Variants in SPSB4 observed in about 807,000 individuals in gnomAD.
The protein encoded by SPSB4 is SPRY domain-containing SOCS box protein 4.
Under a neutral mutation model 20.9 loss-of-function variants are expected in SPSB4, and 21 were observed. The ratio of observed to expected loss-of-function variants is 1.01; its 90% confidence interval spans 0.71 to 1.45. The LOEUF (loss-of-function observed/expected upper bound fraction) is 1.45, where lower values mean the gene tolerates loss of function less well. SPSB4 is among the 40% of genes most tolerant of loss of function. The pLI is 0.00. For synonymous variants in SPSB4, 207 were observed against 183.8 expected, an observed-to-expected ratio of 1.13 and a Z score of -1.02; for missense variants, 399 against 399.2, an observed-to-expected ratio of 1.00 and a Z score of 0.00.
At chr3:141,121,200 G>A (rs148163624) in intron 2 of SPSB4, among the ~76,000 whole-genome samples, 130 of 152,206 alleles carry the variant, frequency 8.5e-4, no homozygotes, top group African/African-American at 2.9e-3. Flanking sequence ...TGAAATTCTG[G>A]GTTGAAAATT....
intron 1 of SPSB4, among the ~76,000 whole-genome samples, chr3:141,058,149 T>C (rs1559896): frequency 0.88 from 133,866 of 152,166 alleles, 59,058 homozygotes; most frequent in South Asian, 0.96. Flanking sequence ...ACCCCGTGCC[T>C]ATTGAGCTCA....
At chr3:141,094,616 G>C (rs934173511) in intron 2 of SPSB4, among the ~76,000 whole-genome samples, 1 of 151,974 alleles carries the variant, frequency 6.6e-6, no homozygotes, top group Admixed American at 6.6e-5. Flanking sequence ...TTTACTCCTG[G>C]GCCTTTTTTT....
chr3:141,101,416 C>T (rs951523349), intron 2 of SPSB4, among the ~76,000 whole-genome samples: 3 of 152,178 alleles, frequency 2.0e-5, no homozygotes, highest in African/African-American at 7.2e-5. Flanking sequence ...CCAGGTGGCC[C>T]CTGCCCACCT....
At chr3:141,119,916 C>A (rs1008946092) in intron 2 of SPSB4, among the ~76,000 whole-genome samples, 2 of 152,044 alleles carry the variant, frequency 1.3e-5, no homozygotes, top group African/African-American at 4.8e-5. Context: ...CTATCTCCTT[C>A]AGTTCTGCTC....
At chr3:141,094,839 T>A in intron 2 of SPSB4, among the ~76,000 whole-genome samples, 1 of 138,086 alleles carries the variant, frequency 7.2e-6, no homozygotes, top group East Asian at 2.4e-4. Context: ...GTGTACACAT[T>A]CTCCAGCCCC....
At chr3:141,101,550 C>G (rs1164577996) in intron 2 of SPSB4, among the ~76,000 whole-genome samples, 1 of 152,162 alleles carries the variant, frequency 6.6e-6, no homozygotes, top group Admixed American at 6.5e-5. Context: ...TCTGTCTTCC[C>G]ATCTGTAAAA....
chr3:141,129,602 T>G lies in SPSB4; in HGVS notation c.695-17540T>G, dbSNP rs566976817. Among the ~76,000 whole-genome samples the G allele has an allele frequency of 6.6e-5, 10 of 152,322 alleles. No homozygotes were observed. The South Asian group carries it at 2.1e-3, about 32-fold the overall frequency. On this transcript the variant is annotated intron_variant, in intron 2 of 2. Transcript: ENST00000310546. ...TCCCTCATGCACACGCATGCACACA[T>G]GAGCGAATCTTCTGTCATTTCAGAG...
intron 2 of SPSB4, among the ~76,000 whole-genome samples, chr3:141,128,354 G>A (rs1451125804): frequency 5.3e-5 from 8 of 152,158 alleles, no homozygotes; most frequent in Admixed American, 5.2e-4. Flanking sequence ...AGGGGCTGTG[G>A]GGGGCCAGGC....
chr3:141,052,776 G>C (rs889018989), intron 1 of SPSB4, among the ~76,000 whole-genome samples: 3 of 152,130 alleles, frequency 2.0e-5, no homozygotes, highest in Admixed American at 6.5e-5. Context: ...CTAGGCGCAG[G>C]GCTCTGGGAA....
chr3:141,089,745 T>C (rs951617057), intron 2 of SPSB4, among the ~76,000 whole-genome samples: 1 of 152,198 alleles, frequency 6.6e-6, no homozygotes, highest in African/African-American at 2.4e-5. Flanking sequence ...CCTTATTCTT[T>C]GGGGAAATTT....
intron 1 of SPSB4, among the ~76,000 whole-genome samples, chr3:141,055,713 C>G (rs533722052): frequency 6.6e-6 from 1 of 152,168 alleles, no homozygotes; most frequent in African/African-American, 2.4e-5. Context: ...GCAGAGGAAC[C>G]TGGCATGTGA....
chr3:141,100,950 A>G (rs754337074), intron 2 of SPSB4, among the ~76,000 whole-genome samples: 2 of 152,148 alleles, frequency 1.3e-5, no homozygotes, highest in African/African-American at 2.4e-5. Context: ...CCCCTTTTCC[A>G]GTGCCCAAGA....
At chr3:141,053,520 C>T (rs1936131601) in intron 1 of SPSB4, among the ~76,000 whole-genome samples, 1 of 152,034 alleles carries the variant, frequency 6.6e-6, no homozygotes, top group Non-Finnish European at 1.5e-5. Flanking sequence ...CAGAAACAGT[C>T]AAAAGATATA....
At chr3:141,085,552 T>A (rs533984416) in intron 2 of SPSB4, among the ~76,000 whole-genome samples, 36 of 152,296 alleles carry the variant, frequency 2.4e-4, no homozygotes, top group African/African-American at 8.2e-4. Context: ...TTAAAAGATT[T>A]TTCTGAAATG....
At chr3:141,104,713 G>A (rs1343746489) in intron 2 of SPSB4, among the ~76,000 whole-genome samples, 1 of 152,236 alleles carries the variant, frequency 6.6e-6, no homozygotes, top group African/African-American at 2.4e-5. Context: ...CAGGCTGCGC[G>A]GCCGGCCCAT....
intron 2 of SPSB4, among the ~76,000 whole-genome samples, chr3:141,114,359 G>A (rs571897831): frequency 3.9e-5 from 6 of 152,254 alleles, no homozygotes; most frequent in South Asian, 2.1e-4. Flanking sequence ...GACCTGGCAC[G>A]TGACAAATCC....
At chr3:141,055,569 G>A (rs990359968) in intron 1 of SPSB4, among the ~76,000 whole-genome samples, 3 of 152,156 alleles carry the variant, frequency 2.0e-5, no homozygotes, top group Admixed American at 1.3e-4. Context: ...GTGGGTTGGC[G>A]GGCAAACAGT....
At chr3:141,126,892 G>T (rs550308920) in intron 2 of SPSB4, among the ~76,000 whole-genome samples, 2 of 152,234 alleles carry the variant, frequency 1.3e-5, no homozygotes, top group Non-Finnish European at 1.5e-5. Flanking sequence ...TTACACTAGG[G>T]TGGAGACTGA....
chr3:141,116,779 T>G (rs1356592030), intron 2 of SPSB4, among the ~76,000 whole-genome samples: 4 of 152,244 alleles, frequency 2.6e-5, no homozygotes, highest in Non-Finnish European at 5.9e-5. Context: ...ATGTTACTAT[T>G]ATTATTGCCA....
Sources: gnomAD v4.1 joint callset for allele counts (sites outside exome capture counted in the v4.1 genomes callset) on GRCh38, gnomAD v4.1.1 for gene constraint, MANE v1.5 for transcripts, NCBI Gene and HGNC (gene_info 2026-07-23, HGNC 2026-07-21) for gene names.